Variants in SGCZ observed in about 807,000 individuals in gnomAD.
The protein encoded by SGCZ is sarcoglycan zeta.
A neutral mutation model predicts 41.3 loss-of-function variants in SGCZ; 40 were observed. The ratio of observed to expected loss-of-function variants is 0.97; its 90% CI spans 0.75 to 1.26. SGCZ has a LOEUF of 1.26. Ranked by LOEUF, SGCZ falls within the 50% of genes most tolerant of loss-of-function variation. The pLI, the probability that SGCZ is intolerant of heterozygous loss-of-function variation, is 0.00. For missense variants in SGCZ, 552 were observed against 369.8 expected (o/e 1.49, Z -4.04); for synonymous variants, 206 against 137.5 (o/e 1.50, Z -3.49).
intron 4 of SGCZ, among the ~76,000 whole-genome samples, chr8:14,190,375 G>C (rs967777923): frequency 7.9e-5 from 12 of 151,620 alleles, no homozygotes; most frequent in Admixed American, 2.0e-4. Context: ...GTATGTGTGT[G>C]TGTGTGTATA....
chr8:14,792,147 G>T (rs888340993), intron 1 of SGCZ, among the ~76,000 whole-genome samples: 8 of 152,144 alleles, frequency 5.3e-5, no homozygotes, highest in African/African-American at 1.4e-4. Flanking sequence ...GCATAGAAAG[G>T]TGTGATAAAT....
chr8:14,377,093 T>C (rs1304327691), intron 2 of SGCZ, among the ~76,000 whole-genome samples: 2 of 152,102 alleles, frequency 1.3e-5, no homozygotes, highest in Non-Finnish European at 2.9e-5. Flanking sequence ...AGCCCCAGCA[T>C]AGACCGGGTT....
At chr8:14,998,588 A>C (rs942937938) in intron 1 of SGCZ, among the ~76,000 whole-genome samples, 1 of 152,226 alleles carries the variant, frequency 6.6e-6, no homozygotes, top group African/African-American at 2.4e-5. Context: ...CTTCTGCCAT[A>C]GTTTTAAAGT....
At chr8:14,580,935 A>G (rs1483280730) in intron 1 of SGCZ, among the ~76,000 whole-genome samples, 1 of 152,192 alleles carries the variant, frequency 6.6e-6, no homozygotes, top group African/African-American at 2.4e-5. Context: ...TCTCTCTTTC[A>G]AAGGAAAAGT....
chr8:14,295,015 T>C (rs568708177), intron 3 of SGCZ, among the ~76,000 whole-genome samples: 3 of 152,252 alleles, frequency 2.0e-5, no homozygotes, highest in East Asian at 1.9e-4. Flanking sequence ...TTGAAAAACA[T>C]TTTTTCAATT....
chr8:14,407,306 C>A (rs1322785388), intron 2 of SGCZ, among the ~76,000 whole-genome samples: 1 of 151,838 alleles, frequency 6.6e-6, no homozygotes, highest in Non-Finnish European at 1.5e-5. Flanking sequence ...TGACCTCAAG[C>A]GATCCAAGGT....
intron 3 of SGCZ, among the ~76,000 whole-genome samples, chr8:14,315,333 C>T (rs1801679862): frequency 6.6e-6 from 1 of 152,094 alleles, no homozygotes. Context: ...GATTGCCTTG[C>T]TATAGGTTAC....
At chr8:14,274,722 A>T (rs1800171791) in intron 3 of SGCZ, among the ~76,000 whole-genome samples, 2 of 151,762 alleles carry the variant, frequency 1.3e-5, no homozygotes. Context: ...TCCACATATA[A>T]TTTTTTTCAC....
chr8:14,490,267 A>G (rs1386253784), intron 2 of SGCZ, among the ~76,000 whole-genome samples: 1 of 152,174 alleles, frequency 6.6e-6, no homozygotes, highest in African/African-American at 2.4e-5. Context: ...ACTCAGCTTG[A>G]TTACTAAACT....
chr8:14,247,592 G>A (rs1484742950), intron 3 of SGCZ, among the ~76,000 whole-genome samples: 1 of 152,184 alleles, frequency 6.6e-6, no homozygotes, highest in Non-Finnish European at 1.5e-5. Context: ...AGACACTGCT[G>A]TTGCTTTAGT....
intron 1 of SGCZ, among the ~76,000 whole-genome samples, chr8:14,904,978 C>T (rs966413282): frequency 2.6e-5 from 4 of 151,796 alleles, no homozygotes; most frequent in African/African-American, 9.7e-5. Context: ...ATTATGAAAA[C>T]TTAAGTCTTG....
At chr8:15,082,689 T>A (rs144892693) in intron 1 of SGCZ, among the ~76,000 whole-genome samples, 10 of 152,146 alleles carry the variant, frequency 6.6e-5, no homozygotes, top group Non-Finnish European at 1.3e-4. Flanking sequence ...GCAATTTACA[T>A]CTATTATCCC....
intron 2 of SGCZ, among the ~76,000 whole-genome samples, chr8:14,467,031 T>C (rs1354706849): frequency 6.6e-6 from 1 of 151,862 alleles, no homozygotes; most frequent in Non-Finnish European, 1.5e-5. Context: ...TTCTCCTCAC[T>C]TCCTCGGGTT....
At position 14,460,365 on chromosome 8, in the gene SGCZ, C is replaced by A. The variant is rs1034076830; in HGVS notation, c.234+94367G>T. ...AAACCACTGTCCTAAAACATTCACA[C>A]GATATTTAGGATAATGAAGGCATTT... On this transcript the variant is annotated intron_variant, in intron 2 of 7. Transcript: ENST00000382080. Among the ~76,000 whole-genome samples the A allele has an allele frequency of 1.6e-4, 24 of 152,044 alleles. 1 individual carries two copies. Among genetic ancestry groups the A allele is most frequent in the Non-Finnish European group, 3.2e-4 (22 of 68,020 alleles).
chr8:14,556,330 A>G (rs1284749473), intron 1 of SGCZ, among the ~76,000 whole-genome samples: 2 of 151,656 alleles, frequency 1.3e-5, no homozygotes, highest in African/African-American at 4.8e-5. Context: ...ACAAATAAAA[A>G]TAATATTAAT....
At chr8:14,503,060 G>A (rs1044066076) in intron 2 of SGCZ, among the ~76,000 whole-genome samples, 1 of 152,184 alleles carries the variant, frequency 6.6e-6, no homozygotes. Context: ...GCCCATCAAT[G>A]ATAGACGGGA....
At chr8:14,995,931 T>A (rs1422272393) in intron 1 of SGCZ, among the ~76,000 whole-genome samples, 1 of 152,082 alleles carries the variant, frequency 6.6e-6, no homozygotes, top group African/African-American at 2.4e-5. Flanking sequence ...TGAGATGGAA[T>A]CTTGCTCTGT....
intron 3 of SGCZ, among the ~76,000 whole-genome samples, chr8:14,313,693 TA>T (rs1382762990): frequency 6.6e-6 from 1 of 152,172 alleles, no homozygotes; most frequent in Non-Finnish European, 1.5e-5. Context: ...TTAAGGAATT[TA>T]AAGATATGTA....
At chr8:14,926,545 C>T (rs1434794979) in intron 1 of SGCZ, among the ~76,000 whole-genome samples, 1 of 152,012 alleles carries the variant, frequency 6.6e-6, no homozygotes, top group Non-Finnish European at 1.5e-5. Flanking sequence ...TTTCACCATC[C>T]TGATTTCTTG....
Sources: gnomAD v4.1 joint callset for allele counts (sites outside exome capture counted in the v4.1 genomes callset) on GRCh38, gnomAD v4.1.1 for gene constraint, MANE v1.5 for transcripts, NCBI Gene and HGNC (gene_info 2026-07-23, HGNC 2026-07-21) for gene names.